The following PCDH15 variants were observed in gnomAD, a reference collection of about 807,000 sequenced individuals.
PCDH15 encodes the protein protocadherin-15.
Under a neutral mutation model 178.5 loss-of-function variants are expected in PCDH15, and 129 were observed. That is an observed-to-expected ratio of 0.72 (90% CI 0.63 to 0.84). PCDH15 has a LOEUF of 0.84. Among genes scored for constraint, PCDH15 ranks in the 40% least tolerant of loss-of-function variants. PCDH15 has a pLI of 0.00. For synonymous variants in PCDH15, 800 were observed against 732.0 expected (o/e 1.09, Z -1.50); for missense variants, 2,230 against 2,099.9 (o/e 1.06, Z -1.21).
At chr10:54,446,725 T>A (rs2076161922) in intron 3 of PCDH15, among the ~76,000 whole-genome samples, 1 of 151,648 alleles carries the variant, frequency 6.6e-6, no homozygotes, top group Admixed American at 6.6e-5. Flanking sequence ...GAGATTTTAG[T>A]ATCTCAGCAT....
chr10:54,392,484 A>AAG (rs1950671694), intron 3 of PCDH15, among the ~76,000 whole-genome samples: 1 of 149,036 alleles, frequency 6.7e-6, no homozygotes, highest in Non-Finnish European at 1.5e-5. Context: ...AAAAAAAAAA[A>AAG]AAAAAAAAAG....
chr10:55,314,607 CT>C (rs1843677532), intron 1 of PCDH15, among the ~76,000 whole-genome samples: 2 of 151,548 alleles, frequency 1.3e-5, no homozygotes, highest in Non-Finnish European at 2.9e-5. Context: ...CTGCCTGTAA[CT>C]TTTTTTCCCT....
intron 21 of PCDH15, among the ~76,000 whole-genome samples, chr10:53,992,084 C>T (rs2091540000): frequency 6.6e-6 from 1 of 151,858 alleles, no homozygotes; most frequent in Admixed American, 6.6e-5. Flanking sequence ...TCTGCAGCTT[C>T]ACTCCTGAGG....
intron 25 of PCDH15, among the ~76,000 whole-genome samples, chr10:53,916,679 T>G (rs976687083): frequency 1.3e-5 from 2 of 152,202 alleles, no homozygotes; most frequent in African/African-American, 4.8e-5. Context: ...GCATAAACTT[T>G]GGAAGCAGAG....
At chr10:54,472,883 G>A (rs2078015703) in intron 3 of PCDH15, among the ~76,000 whole-genome samples, 1 of 151,994 alleles carries the variant, frequency 6.6e-6, no homozygotes, top group Non-Finnish European at 1.5e-5. Flanking sequence ...ATATACAGAG[G>A]AGCATGTAAA....
rs59787759 is a variant in PCDH15 at position 55,467,373 on chromosome 10, C to CTT, written c.-156+160250_-156+160251dup. Among the ~76,000 whole-genome samples, 654 of 87,752 alleles carry CTT rather than the reference C, an allele frequency of 7.5e-3. 17 individuals are homozygous for CTT. The highest frequency in any genetic ancestry group is 0.016 in the African/African-American group (419 of 26,478). 57.6% of individuals were successfully genotyped at this position (87,752 alleles called of 152,430 possible). A position where few individuals can be genotyped will look rare whatever the true frequency, so the allele number is the denominator to read the frequency against. On this transcript the variant is annotated intron_variant, in intron 2 of 5. Transcript: ENST00000613346. Reference sequence around the variant, plus strand: ...AAAGAAAAGCCTGATCTTGGCCTGACTTTTTTTTTTTTTTTTTTTTAACTA... The same window carrying CTT: ...AAAGAAAAGCCTGATCTTGGCCTGACTTTTTTTTTTTTTTTTTTTTTTAACTA...
intron 13 of PCDH15, among the ~76,000 whole-genome samples, chr10:54,153,684 A>G (rs964250131): frequency 6.6e-6 from 1 of 152,162 alleles, no homozygotes; most frequent in East Asian, 1.9e-4. Flanking sequence ...AAACAGACTG[A>G]ACCTGGAAAA....
chr10:54,882,286 G>T (rs1036828707), intron 3 of PCDH15, among the ~76,000 whole-genome samples: 7 of 151,914 alleles, frequency 4.6e-5, no homozygotes, highest in Non-Finnish European at 8.8e-5. Flanking sequence ...GCTTCATATA[G>T]CCTGTTAGAG....
intron 2 of PCDH15, among the ~76,000 whole-genome samples, chr10:54,604,402 T>G (rs1462009290): frequency 2.6e-5 from 4 of 152,030 alleles, no homozygotes; most frequent in Admixed American, 6.6e-5. Flanking sequence ...ATTGTGCTGC[T>G]ATAAATTTCT....
intron 2 of PCDH15, among the ~76,000 whole-genome samples, chr10:54,987,561 A>T (rs1839402934): frequency 6.6e-6 from 1 of 152,226 alleles, no homozygotes; most frequent in Admixed American, 6.5e-5. Flanking sequence ...TGCTATTCTG[A>T]CTGGAGTGTG....
intron 2 of PCDH15, among the ~76,000 whole-genome samples, chr10:55,084,188 T>C (rs923332500): frequency 5.9e-5 from 9 of 151,874 alleles, no homozygotes; most frequent in African/African-American, 2.2e-4. Context: ...ACAAAGCTAT[T>C]GTAAACAAAA....
intron 2 of PCDH15, among the ~76,000 whole-genome samples, chr10:54,974,194 A>G (rs1339631135): frequency 2.0e-5 from 3 of 152,088 alleles, no homozygotes; most frequent in Non-Finnish European, 2.9e-5. Flanking sequence ...ATATATGGTA[A>G]TTTAACAGTC....
At chr10:54,204,616 C>G (rs2050597569) in intron 10 of PCDH15, among the ~76,000 whole-genome samples, 1 of 151,838 alleles carries the variant, frequency 6.6e-6, no homozygotes, top group Non-Finnish European at 1.5e-5. Flanking sequence ...AAAAAATAAG[C>G]TATGAACTTG....
chr10:54,514,557 A>T (rs559038576), intron 3 of PCDH15, among the ~76,000 whole-genome samples: 21 of 152,092 alleles, frequency 1.4e-4, no homozygotes, highest in African/African-American at 5.1e-4. Flanking sequence ...TTAAAAAAGT[A>T]TGAACAAGTA....
At chr10:55,191,433 C>T (rs889436729) in intron 1 of PCDH15, among the ~76,000 whole-genome samples, 2 of 151,668 alleles carry the variant, frequency 1.3e-5, no homozygotes, top group African/African-American at 2.4e-5. Context: ...TCTTTTCTAG[C>T]ATAATTTTGT....
At chr10:55,230,164 A>G (rs1841170855) in intron 1 of PCDH15, among the ~76,000 whole-genome samples, 1 of 152,028 alleles carries the variant, frequency 6.6e-6, no homozygotes, top group Non-Finnish European at 1.5e-5. Context: ...TATTTGTCCT[A>G]AGCTCATTCT....
chr10:54,536,997 CTTTTTT>C (rs747880795), intron 2 of PCDH15, among the ~76,000 whole-genome samples: 3 of 92,120 alleles, frequency 3.3e-5, no homozygotes, highest in African/African-American at 1.2e-4. Flanking sequence ...AATTTGTTTC[CTTTTTT>C]TTTTTTTTTT....
At chr10:55,126,633 C>CA (rs527409259) in intron 2 of PCDH15, among the ~76,000 whole-genome samples, 343 of 150,598 alleles carry the variant, frequency 2.3e-3, no homozygotes, top group Non-Finnish European at 3.5e-3. Flanking sequence ...CTCAAAAAAA[C>CA]AAAAAAAAGA....
At chr10:55,553,180 C>A (rs1160398891) in intron 2 of PCDH15, among the ~76,000 whole-genome samples, 1 of 150,498 alleles carries the variant, frequency 6.6e-6, no homozygotes, top group Non-Finnish European at 1.5e-5. Flanking sequence ...AACATAATTT[C>A]ATTTACTCTT....
Sources: gnomAD v4.1 joint callset for allele counts (sites outside exome capture counted in the v4.1 genomes callset) on GRCh38, gnomAD v4.1.1 for gene constraint, MANE v1.5 for transcripts, NCBI Gene and HGNC (gene_info 2026-07-23, HGNC 2026-07-21) for gene names.